The following PITPNC1 variants were observed in gnomAD, a reference collection of about 807,000 sequenced individuals.
PITPNC1 encodes cytoplasmic phosphatidylinositol transfer protein 1.
A neutral mutation model predicts 44.7 loss-of-function variants in PITPNC1; 18 were observed. The observed-to-expected ratio is 0.40, with a 90% CI of 0.28 to 0.60. The LOEUF (loss-of-function observed/expected upper bound fraction) is 0.60, where lower values mean the gene tolerates loss of function less well. Among genes scored for constraint, PITPNC1 ranks in the 20% least tolerant of loss-of-function variants. The pLI is 0.39. For synonymous variants in PITPNC1, 141 were observed against 149.6 expected, an observed-to-expected ratio of 0.94 and a Z score of 0.42; for missense variants, 290 against 418.4, an observed-to-expected ratio of 0.69 and a Z score of 2.68.
intron 1 of PITPNC1, among the ~76,000 whole-genome samples, chr17:67,510,621 CAG>C (rs1298503684): frequency 1.3e-5 from 2 of 152,070 alleles, no homozygotes; most frequent in East Asian, 1.9e-4. Context: ...CTTTTTGAGA[CAG>C]AGTCTTGCTC....
At chr17:67,426,373 G>A (rs1019180657) in intron 1 of PITPNC1, among the ~76,000 whole-genome samples, 3 of 152,092 alleles carry the variant, frequency 2.0e-5, no homozygotes, top group East Asian at 1.9e-4. Context: ...GCCCATCAAC[G>A]ATAGACTGGA....
At position 67,581,131 on chromosome 17, in the gene PITPNC1, G is replaced by A. The variant is rs1249728500; in HGVS notation, c.366+2874G>A. Among the ~76,000 whole-genome samples, 3 of 152,210 alleles carry A rather than the reference G, an allele frequency of 2.0e-5. No individual in the cohort carries two copies. In the East Asian group the frequency reaches 5.8e-4, roughly 29 times the overall value. On this transcript the variant is annotated intron_variant, in intron 5 of 8. Coordinates refer to ENST00000581322, the MANE Select transcript of PITPNC1 (RefSeq NM_012417.4). ...ACCACTGTAATCTGGTTTATCCTCT[G>A]CCCAGTTCAAATCATCCCCAAAATT... is the stretch of plus-strand genomic sequence containing the variant.
chr17:67,616,812 A>G (rs2041763535), intron 5 of PITPNC1, among the ~76,000 whole-genome samples: 1 of 151,882 alleles, frequency 6.6e-6, no homozygotes, highest in South Asian at 2.1e-4. Context: ...TTTTCATCTT[A>G]CTGTTCTCAT....
intron 2 of PITPNC1, among the ~76,000 whole-genome samples, chr17:67,539,691 G>A (rs1419217780): frequency 6.6e-6 from 1 of 152,014 alleles, no homozygotes; most frequent in Non-Finnish European, 1.5e-5. Flanking sequence ...ATTAAAAATT[G>A]GCCGGGCGTG....
At chr17:67,686,277 C>G (rs1395570822) in intron 8 of PITPNC1, among the ~76,000 whole-genome samples, 1 of 148,672 alleles carries the variant, frequency 6.7e-6, no homozygotes, top group Non-Finnish European at 1.5e-5. Context: ...ACACTAGATG[C>G]CAGTAGCACC....
At chr17:67,403,218 C>CAAAAAAAA (rs34768084) in intron 1 of PITPNC1, among the ~76,000 whole-genome samples, 3,888 of 68,870 alleles carry the variant, frequency 0.056, 877 homozygotes, top group Non-Finnish European at 0.086. Flanking sequence ...CTCATCTCTA[C>CAAAAAAAA]AAAAAAAAAA....
At chr17:67,387,650 C>G (rs1003808918) in intron 1 of PITPNC1, among the ~76,000 whole-genome samples, 1 of 152,224 alleles carries the variant, frequency 6.6e-6, no homozygotes, top group South Asian at 2.1e-4. Context: ...GCTGACAGAG[C>G]GAAACTCTGT....
chr17:67,632,328 C>G, intron 6 of PITPNC1, 90 bp downstream of exon 6: 1 of 809,222 alleles, frequency 1.2e-6, no homozygotes, highest in Non-Finnish European at 2.1e-6. Context: ...TGGGAGGATG[C>G]CATCTCTCGT....
chr17:67,380,701 T>G (rs1049003150), intron 1 of PITPNC1, among the ~76,000 whole-genome samples: 1 of 152,200 alleles, frequency 6.6e-6, no homozygotes, highest in Admixed American at 6.5e-5. Context: ...ACTGACCCTT[T>G]TTCCACATTG....
At chr17:67,564,886 T>C (rs16960976) in intron 4 of PITPNC1, among the ~76,000 whole-genome samples, 3,545 of 152,252 alleles carry the variant, frequency 0.023, 135 homozygotes, top group African/African-American at 0.081. Flanking sequence ...AAGAACTTCA[T>C]AATTTCCACT....
intron 2 of PITPNC1, among the ~76,000 whole-genome samples, chr17:67,537,868 A>T (rs988994734): frequency 5.9e-5 from 9 of 152,022 alleles, no homozygotes; most frequent in African/African-American, 2.2e-4. Context: ...GCTACTCTGG[A>T]GGCTGAGGCA....
intron 1 of PITPNC1, among the ~76,000 whole-genome samples, chr17:67,521,908 T>C (rs560822555): frequency 6.6e-6 from 1 of 152,328 alleles, no homozygotes; most frequent in African/African-American, 2.4e-5. Context: ...TTAATGACTC[T>C]TTCCTTTCTG....
At chr17:67,467,243 G>A in intron 1 of PITPNC1, among the ~76,000 whole-genome samples, 1 of 151,618 alleles carries the variant, frequency 6.6e-6, no homozygotes, top group Non-Finnish European at 1.5e-5. Flanking sequence ...TAGTAGAGAT[G>A]GGGTTTCACC....
intron 1 of PITPNC1, among the ~76,000 whole-genome samples, chr17:67,440,522 ATTTATTTATT>A (rs2143919763): frequency 6.7e-6 from 1 of 148,996 alleles, no homozygotes; most frequent in East Asian, 2.0e-4. Flanking sequence ...TTATTTATTT[ATTTATTTATT>A]TATTTATTTA....
intron 1 of PITPNC1, among the ~76,000 whole-genome samples, chr17:67,385,597 C>T (rs1410412712): frequency 6.6e-6 from 1 of 152,062 alleles, no homozygotes; most frequent in Non-Finnish European, 1.5e-5. Context: ...GTCCGCACCA[C>T]CTTTAAGAGC....
At chr17:67,412,526 G>A (rs1361107324) in intron 1 of PITPNC1, among the ~76,000 whole-genome samples, 1 of 152,112 alleles carries the variant, frequency 6.6e-6, no homozygotes, top group African/African-American at 2.4e-5. Context: ...ATCAGAACAT[G>A]ACAAGATCTG....
At chr17:67,562,018 G>A (rs1398313901) in intron 4 of PITPNC1, among the ~76,000 whole-genome samples, 2 of 152,158 alleles carry the variant, frequency 1.3e-5, no homozygotes, top group Non-Finnish European at 2.9e-5. Flanking sequence ...GCTTATTTCT[G>A]CCTTGACAAG....
At chr17:67,431,506 G>A (rs982637120) in intron 1 of PITPNC1, among the ~76,000 whole-genome samples, 5 of 152,138 alleles carry the variant, frequency 3.3e-5, no homozygotes, top group Non-Finnish European at 7.3e-5. Flanking sequence ...AATATTCCTT[G>A]ATAGTACAAT....
chr17:67,421,521 G>C (rs577466764), intron 1 of PITPNC1, among the ~76,000 whole-genome samples: 1 of 152,270 alleles, frequency 6.6e-6, no homozygotes, highest in East Asian at 1.9e-4. Flanking sequence ...GACCTCAGGT[G>C]ATCCACCTGC....
Sources: gnomAD v4.1 joint callset for allele counts (sites outside exome capture counted in the v4.1 genomes callset) on GRCh38, gnomAD v4.1.1 for gene constraint, MANE v1.5 for transcripts, NCBI Gene and HGNC (gene_info 2026-07-23, HGNC 2026-07-21) for gene names.